EML5: variants seen among roughly 807,000 people sequenced by gnomAD.
EML5 encodes EMAP like 5.
Under a neutral mutation model 250.0 loss-of-function variants are expected in EML5, and 120 were observed. That is an observed-to-expected ratio of 0.48 (90% confidence interval 0.41 to 0.56). EML5 has a LOEUF of 0.56. Ranked by LOEUF, EML5 falls within the 20% of genes least tolerant of loss-of-function variation. The probability of loss-of-function intolerance (pLI) is 0.00; values close to 1 mark genes in which losing one functional copy is unlikely to be tolerated. For missense variants in EML5, 2,006 were observed against 2,437.6 expected (o/e 0.82, Z 3.73); for synonymous variants, 771 against 806.5 (o/e 0.96, Z 0.75).
chr14:88,663,496 T>A (rs190011924), intron 23 of EML5, among the ~76,000 whole-genome samples: 10 of 152,208 alleles, frequency 6.6e-5, no homozygotes. Flanking sequence ...AACAATAACA[T>A]CCTTAAAAAG....
At chr14:88,679,948 T>C (rs2092683138) in intron 21 of EML5, among the ~76,000 whole-genome samples, 1 of 152,178 alleles carries the variant, frequency 6.6e-6, no homozygotes, top group Non-Finnish European at 1.5e-5. Context: ...AATTAATTAC[T>C]TTTCAACTCA....
chr14:88,671,992 A>T (rs4899958), intron 21 of EML5, among the ~76,000 whole-genome samples: 1 of 152,116 alleles, frequency 6.6e-6, no homozygotes, highest in Non-Finnish European at 1.5e-5. Context: ...ATTAGATCAT[A>T]AAGACAGAAA....
intron 15 of EML5, among the ~76,000 whole-genome samples, chr14:88,695,688 T>A (rs890398096): frequency 6.6e-6 from 1 of 151,922 alleles, no homozygotes; most frequent in African/African-American, 2.4e-5. Flanking sequence ...TTTTCCCTTA[T>A]CTATCCATCA....
chr14:88,710,302 G>A (rs534635325), intron 10 of EML5, among the ~76,000 whole-genome samples: 4 of 152,222 alleles, frequency 2.6e-5, no homozygotes, highest in Non-Finnish European at 4.4e-5. Context: ...AGCTAACTTC[G>A]TATATTTTTT....
chr14:88,790,789 A>T (rs970213067), intron 1 of EML5, among the ~76,000 whole-genome samples: 11 of 152,150 alleles, frequency 7.2e-5, no homozygotes, highest in Non-Finnish European at 1.2e-4. Flanking sequence ...AAGACAAGAC[A>T]CTGGGGTAAA....
At position 88,627,780 on chromosome 14, in the gene EML5, T is replaced by C. The variant is rs1240025071; in HGVS notation, c.4397A>G (p.Lys1466Arg). 1 of 1,608,138 alleles carries C rather than the reference T, an allele frequency of 6.2e-7. No individual in the cohort carries two copies. Among genetic ancestry groups the C allele is most frequent in the Admixed American group, 1.7e-5 (1 of 59,154 alleles). ...GCATCTTAGGATAGATAAAGTCTGC[T>C]TGTTCATTGCATCCCAGATGTGAAT... ...PSIHIWDAMN[K>R]QTLSILRCYH... The change falls in exon 34 of 44, where the codon AAG becomes AGG. Residue 1466 changes from lysine (K) to arginine (R), a missense_variant. Lys to Arg is a conservative substitution (Grantham distance 26). Transcript: ENST00000554922.
At chr14:88,779,913 G>A (rs937658218) in intron 1 of EML5, among the ~76,000 whole-genome samples, 4 of 152,054 alleles carry the variant, frequency 2.6e-5, no homozygotes, top group African/African-American at 7.2e-5. Flanking sequence ...ATGTTACTGT[G>A]AGGAAATAAT....
chr14:88,747,273 G>A (rs568690736), intron 2 of EML5, among the ~76,000 whole-genome samples: 10 of 152,076 alleles, frequency 6.6e-5, no homozygotes, highest in South Asian at 2.1e-4. Context: ...TTAGCCAGGC[G>A]TGGTGACTCA....
chr14:88,647,302 T>C (rs1032326300), intron 28 of EML5, among the ~76,000 whole-genome samples: 9 of 151,428 alleles, frequency 5.9e-5, no homozygotes, highest in Non-Finnish European at 1.3e-4. Flanking sequence ...AAACGGAGGT[T>C]GCAGTGAGCC....
At chr14:88,654,782 G>C (rs911130226) in intron 27 of EML5, among the ~76,000 whole-genome samples, 1 of 152,136 alleles carries the variant, frequency 6.6e-6, no homozygotes, top group African/African-American at 2.4e-5. Context: ...CAGTTCTGTA[G>C]ATGTCTATTA....
intron 2 of EML5, among the ~76,000 whole-genome samples, chr14:88,750,584 A>G (rs1381184472): frequency 2.0e-5 from 3 of 152,166 alleles, no homozygotes; most frequent in South Asian, 2.1e-4. Flanking sequence ...AATTAGCTTT[A>G]AGAACCTACG....
rs755046095 is a variant in EML5, at chr14:88,658,292, C to A, written c.3772G>T (p.Gly1258Cys). ...CACACCATTAAAGACATATCTGTAC[C>A]GCCTAGGGTAACCAACATGCTGTCA... ...YDDSMLVTLGGTDMSLMVWTN... is the reference protein window; with the variant it reads ...YDDSMLVTLGCTDMSLMVWTN... Residue 1258 changes from glycine (G) to cysteine (C), a missense_variant, in exon 26 of 44, where the codon GGT (glycine) becomes TGT (cysteine). Around this residue, in one of 7 missense-constraint regions of EML5, gnomAD observed 1,375 missense variants for 1,590.3 expected, o/e 0.86. Coordinates refer to ENST00000554922, the MANE Select transcript of EML5 (RefSeq NM_183387.3). The A allele has an allele frequency of 6.2e-7, 1 of 1,613,682 alleles. No homozygotes were observed. The highest frequency in any genetic ancestry group is 8.5e-7 in the Non-Finnish European group (1 of 1,179,824).
chr14:88,788,234 T>C (rs1461660245), intron 1 of EML5, among the ~76,000 whole-genome samples: 1 of 152,188 alleles, frequency 6.6e-6, no homozygotes, highest in Non-Finnish European at 1.5e-5. Flanking sequence ...CTTTTCCAAT[T>C]ACAATTTTGA....
In EML5 at chr14:88,765,680, G is replaced by A. The variant is rs374998548; in HGVS notation, c.198-11009C>T. 5.9e-5 allele frequency among the ~76,000 whole-genome samples: 9 copies of A among 152,278 alleles called. 2 individuals are homozygous for A. Among genetic ancestry groups the A allele is most frequent in the African/African-American group, 2.2e-4 (9 of 41,544 alleles). The stretch of plus-strand genomic sequence containing the variant: ...TAACATAAAAAATTCACAGGTTCCA[G>A]GAATTAGAGTATGGATATCTTTGGG... On this transcript the variant is annotated intron_variant, in intron 1 of 43. Coordinates refer to ENST00000554922, the MANE Select transcript of EML5 (RefSeq NM_183387.3).
chr14:88,621,867 TTG>T (rs2089019185), intron 37 of EML5: 1 of 456,422 alleles, frequency 2.2e-6, no homozygotes, highest in Admixed American at 2.4e-5. Flanking sequence ...TATCATTTCT[TTG>T]TGATGGAAAC....
intron 40 of EML5, 94 bp from the exon 41 acceptor site, chr14:88,618,425 T>C: frequency 8.5e-7 from 1 of 1,182,018 alleles, no homozygotes; most frequent in South Asian, 1.3e-5. Context: ...TGCTACTTGA[T>C]TTACATGTCT....
At chr14:88,632,488 T>A (rs564365855) in intron 33 of EML5, among the ~76,000 whole-genome samples, 3 of 152,212 alleles carry the variant, frequency 2.0e-5, no homozygotes, top group Non-Finnish European at 2.9e-5. Flanking sequence ...CTGCATGAGA[T>A]GACCACTATC....
chr14:88,688,215 T>G, intron 18 of EML5, 56 bp downstream of exon 18: 1 of 1,570,130 alleles, frequency 6.4e-7, no homozygotes, highest in East Asian at 2.2e-5. Flanking sequence ...CTTCTTAAAA[T>G]GCTCTACACT....
At chr14:88,676,487 G>T (rs186726460) in intron 21 of EML5, among the ~76,000 whole-genome samples, 1 of 152,126 alleles carries the variant, frequency 6.6e-6, no homozygotes, top group South Asian at 2.1e-4. Flanking sequence ...CTCCCACCAG[G>T]TCCCTCCCAC....
Sources: allele counts gnomAD v4.1 joint callset (sites outside exome capture counted in the v4.1 genomes callset), GRCh38; gene constraint gnomAD v4.1.1; regional missense constraint gnomAD v4.1.1; transcripts MANE v1.5; gene names NCBI Gene and HGNC (gene_info 2026-07-23, HGNC 2026-07-21).